ADCY7: variants seen among roughly 807,000 people sequenced by gnomAD.
ADCY7 encodes the protein adenylate cyclase 7.
A neutral mutation model predicts 120.6 loss-of-function variants in ADCY7; 72 were observed. That is an observed-to-expected ratio of 0.60 (90% CI 0.49 to 0.73). The LOEUF is 0.73. Ranked by LOEUF, ADCY7 falls within the 30% of genes least tolerant of loss-of-function variation. The pLI, the probability that ADCY7 is intolerant of heterozygous loss-of-function variation, is 0.00. For missense variants in ADCY7, 1,227 were observed against 1,486.0 expected, an observed-to-expected ratio of 0.83 and a Z score of 2.87; for synonymous variants, 661 against 628.0, an observed-to-expected ratio of 1.05 and a Z score of -0.78.
upstream of ADCY7, among the ~76,000 whole-genome samples, chr16:50,245,027 A>G (rs1045343414): frequency 6.6e-6 from 1 of 152,186 alleles, no homozygotes; most frequent in Admixed American, 6.5e-5. Flanking sequence ...ATTTCTCAGC[A>G]TGGTTTCAAC....
chr16:50,304,747 C>T (rs1219613758), intron 11 of ADCY7, among the ~76,000 whole-genome samples, 178 bp from the exon 12 acceptor site: 1 of 152,206 alleles, frequency 6.6e-6, no homozygotes, highest in Middle Eastern at 3.2e-3. Context: ...CAGGAACATC[C>T]CTGTCCTCCT....
At chr16:50,247,584 T>C (rs959618870) in intron 1 of ADCY7, among the ~76,000 whole-genome samples, 2 of 149,710 alleles carry the variant, frequency 1.3e-5, no homozygotes, top group African/African-American at 2.5e-5. Flanking sequence ...CTCACTATGT[T>C]GTCCAGGCTA....
At chr16:50,271,512 G>A (rs1004859965) in intron 1 of ADCY7, among the ~76,000 whole-genome samples, 4 of 152,156 alleles carry the variant, frequency 2.6e-5, no homozygotes, top group African/African-American at 7.2e-5. Flanking sequence ...GGGTGGGGAC[G>A]GCTGACCTTG....
At chr16:50,313,913 G>C in intron 22 of ADCY7, 45 bp from the exon 23 acceptor site, 1 of 1,540,494 alleles carries the variant, frequency 6.5e-7, no homozygotes, top group Non-Finnish European at 8.9e-7. Context: ...GCCTGGCTGC[G>C]GCTATGGAGT....
In ADCY7 at chr16:50,305,536, C is replaced by T. The variant is rs750626352; in HGVS notation, c.1629C>T (p.Asp543=). 2 of 1,610,122 alleles carry T rather than the reference C, an allele frequency of 1.2e-6. No individual in the cohort carries two copies. Among genetic ancestry groups the T allele is most frequent in the South Asian group, 1.1e-5 (1 of 90,434 alleles). ...CCCCCAAGGGGCGGTCGGAGGATGA[C>T]TCGTACGATGACGAGATGCTGTCAG... ...SMSPKGRSED[D]SYDDEMLSAI... is the part of the protein sequence containing the mutation. The change falls in exon 13 of 26, where the codon GAC becomes GAT. Residue 543 remains aspartate, a synonymous_variant. Transcript: ENST00000673801.
intron 20 of ADCY7, 121 bp from the exon 21 acceptor site, chr16:50,311,915 A>C: frequency 6.7e-7 from 1 of 1,492,930 alleles, no homozygotes; most frequent in East Asian, 2.3e-5. Flanking sequence ...CCAGGAAAGC[A>C]CTGGTCCCCT....
intron 1 of ADCY7, among the ~76,000 whole-genome samples, chr16:50,249,679 C>T (rs79858570): frequency 0.011 from 1,617 of 152,314 alleles, 30 homozygotes; most frequent in African/African-American, 0.037. Flanking sequence ...TCGTTATCGC[C>T]CAGTTTGCCA....
intron 1 of ADCY7, among the ~76,000 whole-genome samples, chr16:50,282,850 A>AC (rs1212379175): frequency 2.0e-5 from 3 of 151,938 alleles, no homozygotes; most frequent in East Asian, 1.9e-4. Context: ...AGCTTGGACT[A>AC]CAAGTGTATG....
chr16:50,298,524 C>A (rs1364799952), intron 7 of ADCY7, among the ~76,000 whole-genome samples: 1 of 152,212 alleles, frequency 6.6e-6, no homozygotes, highest in African/African-American at 2.4e-5. Context: ...ACCCCTCCTG[C>A]CTACGTGCAA....
intron 12 of ADCY7, among the ~76,000 whole-genome samples, 174 bp from the exon 13 acceptor site, chr16:50,305,319 AGCTGGGCCAT>A (rs1018902415): frequency 2.0e-5 from 3 of 152,168 alleles, no homozygotes; most frequent in Non-Finnish European, 4.4e-5. Flanking sequence ...GCTGCTGGCC[AGCTGGGCCAT>A]GCTGGGCCAT....
intron 1 of ADCY7, among the ~76,000 whole-genome samples, chr16:50,261,437 T>G: frequency 6.6e-6 from 1 of 150,510 alleles, no homozygotes; most frequent in East Asian, 2.0e-4. Flanking sequence ...CAGGTGGGGG[T>G]CCCCGAGAGG....
At position 50,307,991 on chromosome 16, in the gene ADCY7, A is replaced by G. The variant is rs577749741; in HGVS notation, c.1851-336A>G. Among the ~76,000 whole-genome samples, 96 of 121,290 alleles carry G rather than the reference A, an allele frequency of 7.9e-4. No homozygotes were observed. In the East Asian group the frequency reaches 0.016, roughly 21 times the overall value. 79.6% of individuals were successfully genotyped at this position (121,290 alleles called of 152,430 possible). A position where few individuals can be genotyped will look rare whatever the true frequency, so the allele number is the denominator to read the frequency against. ...AGCCTGGGTGACAGAGTGAGACTCCATCTCAAAAAAAAAAAAAAAAAAAAA... is the reference window on the plus strand; with the variant it reads ...AGCCTGGGTGACAGAGTGAGACTCCGTCTCAAAAAAAAAAAAAAAAAAAAA... On this transcript the variant is annotated intron_variant, in intron 15 of 25. Coordinates refer to ENST00000673801, the MANE Select transcript of ADCY7 (RefSeq NM_001114.5).
At position 50,309,660 on chromosome 16, in the gene ADCY7, G is replaced by C. The variant is rs768913135; in HGVS notation, c.2160+14G>C. Reference sequence around the variant, plus strand: ...GAGCCCCTCCCGGTGAGTGCGCCGGGCCCGGCTCCGTGGCCTCATTCAGAG... The same window carrying C: ...GAGCCCCTCCCGGTGAGTGCGCCGGCCCCGGCTCCGTGGCCTCATTCAGAG... On this transcript the variant is annotated intron_variant, in intron 18 of 25. Coordinates refer to ENST00000673801, the MANE Select transcript of ADCY7 (RefSeq NM_001114.5). 24 of 1,603,962 alleles carry C rather than the reference G, an allele frequency of 1.5e-5. No individual in the cohort carries two copies. Among genetic ancestry groups the C allele is most frequent in the Non-Finnish European group, 1.8e-5 (21 of 1,179,170 alleles).
At position 50,310,790 on chromosome 16, in the gene ADCY7, A is replaced by G; in HGVS notation, c.2264A>G (p.Tyr755Cys). ...CTGCTGACAGTGGCCCTGGTGGCCT[A>G]CCTGGTGCTCTTCAACCTCTCCCCA... is the stretch of plus-strand genomic sequence containing the variant. ...VVLLTVALVA[Y>C]LVLFNLSPCW... The change falls in exon 19 of 26, where the codon TAC becomes TGC. Residue 755 changes from tyrosine to cysteine, a missense_variant. Physicochemically the swap from Tyr to Cys is radical, Grantham distance 194. Around this residue, in one of 5 missense-constraint regions of ADCY7, gnomAD observed 267 missense variants for 270.0 expected, o/e 0.99. Coordinates refer to ENST00000673801, the MANE Select transcript of ADCY7 (RefSeq NM_001114.5). 1 of 1,614,120 alleles carries G rather than the reference A, an allele frequency of 6.2e-7. No homozygotes were observed. Among genetic ancestry groups the G allele is most frequent in the Non-Finnish European group, 8.5e-7 (1 of 1,179,996 alleles).
chr16:50,260,041 C>G (rs776169186), intron 1 of ADCY7, among the ~76,000 whole-genome samples: 1 of 152,236 alleles, frequency 6.6e-6, no homozygotes, highest in Admixed American at 6.5e-5. Context: ...GTCCCTCTCC[C>G]TGGGGAGCTC....
chr16:50,252,014 C>T (rs1478617551), intron 1 of ADCY7, among the ~76,000 whole-genome samples: 1 of 152,214 alleles, frequency 6.6e-6, no homozygotes, highest in East Asian at 1.9e-4. Context: ...TGTCACAGTC[C>T]CAGGCCTCTG....
chr16:50,266,959 G>T (rs1163987268), intron 1 of ADCY7, among the ~76,000 whole-genome samples: 1 of 152,130 alleles, frequency 6.6e-6, no homozygotes, highest in Non-Finnish European at 1.5e-5. Context: ...CATGTGGCCC[G>T]TTCCATCTGG....
chr16:50,307,474 G>A (rs764967304), intron 15 of ADCY7, among the ~76,000 whole-genome samples: 6 of 152,126 alleles, frequency 3.9e-5, no homozygotes, highest in Non-Finnish European at 8.8e-5. Context: ...AACTGTAGGC[G>A]CCATCCTTTT....
intron 1 of ADCY7, among the ~76,000 whole-genome samples, chr16:50,253,040 G>T (rs988304418): frequency 2.6e-5 from 4 of 152,172 alleles, no homozygotes; most frequent in Non-Finnish European, 5.9e-5. Flanking sequence ...GGAGTTGGGG[G>T]TCAGGGAGGT....
Sources: allele counts gnomAD v4.1 joint callset (sites outside exome capture counted in the v4.1 genomes callset), GRCh38; gene constraint gnomAD v4.1.1; regional missense constraint gnomAD v4.1.1; transcripts MANE v1.5; gene names NCBI Gene and HGNC (gene_info 2026-07-23, HGNC 2026-07-21).